TPPP2: variants seen among roughly 807,000 people sequenced by gnomAD.
TPPP2 encodes the protein tubulin polymerization-promoting protein family member 2.
TPPP2 carries 8 observed loss-of-function variants against 13.0 expected under a neutral mutation model. The ratio of observed to expected loss-of-function variants is 0.62; its 90% CI spans 0.36 to 1.11. The LOEUF (loss-of-function observed/expected upper bound fraction) is 1.11, where lower values mean the gene tolerates loss of function less well. TPPP2 is among the 50% of genes most tolerant of loss of function. The pLI, the probability that TPPP2 is intolerant of heterozygous loss-of-function variation, is 0.02. For synonymous variants in TPPP2, 81 were observed against 81.8 expected (o/e 0.99, Z 0.05); for missense variants, 213 against 216.9 (o/e 0.98, Z 0.11).
At chr14:21,028,241 TTTTTGTTTTG>T (rs71112541), upstream of TPPP2, among the ~76,000 whole-genome samples, 15 of 150,456 alleles carry the variant, frequency 1.0e-4, no homozygotes, top group South Asian at 4.2e-4. Flanking sequence ...CTTGGGGTTC[TTTTTGTTTTG>T]TTTTGTTTTG....
chr14:21,031,186 C>A (rs758500552), intron 3 of TPPP2, 21 bp downstream of exon 3: 25 of 1,609,900 alleles, frequency 1.6e-5, no homozygotes, highest in Non-Finnish European at 2.0e-5. Context: ...GCCTTCATCC[C>A]CTTGACCCTA....
chr14:21,034,269 C>T (rs372779444), downstream of TPPP2: 21 of 1,611,950 alleles, frequency 1.3e-5, no homozygotes, highest in African/African-American at 5.3e-5. Context: ...GAAAAGGAGC[C>T]GGGTCACAGC....
chr14:21,025,158 C>T lies in TPPP2; in HGVS notation n.236+814C>T, dbSNP rs1389960112. The T allele has an allele frequency of 1.1e-5, 10 of 943,142 alleles. No individual in the cohort carries two copies. The highest frequency in any genetic ancestry group is 1.3e-5 in the Non-Finnish European group (10 of 791,402). The allele number at this position is 943,142 out of a possible 1,614,324, so 58.4% of individuals were successfully genotyped here. ...GGGCGCTAGGCTCCCCGCAGACCCG[C>T]CCCAGACCCCCAGTAAACACGCCCC... On this transcript the variant is annotated intron_variant and non_coding_transcript_variant, in intron 1 of 1. Coordinates refer to the TPPP2 transcript ENST00000533755. This position sits in a 1 kb window ranked among gnomAD's most constrained non-coding sequence, Gnocchi z 5.1.
downstream of TPPP2, chr14:21,033,043 C>CTGG (rs1213473155): frequency 2.2e-6 from 1 of 451,400 alleles, no homozygotes; most frequent in East Asian, 7.0e-5. Context: ...GGAGGAGCTT[C>CTGG]TGGAAGAGAA....
downstream of TPPP2, among the ~76,000 whole-genome samples, chr14:21,035,595 G>C (rs982240773): frequency 6.6e-6 from 1 of 152,254 alleles, no homozygotes; most frequent in South Asian, 2.1e-4. Flanking sequence ...CAGCAGAAAA[G>C]GGGAGTCAGA....
At chr14:21,027,692 ACACT>A (rs1202147603), upstream of TPPP2, among the ~76,000 whole-genome samples, 1 of 152,234 alleles carries the variant, frequency 6.6e-6, no homozygotes, top group Non-Finnish European at 1.5e-5. Context: ...TACTCAGTTC[ACACT>A]CACTCTTTAT....
chr14:21,026,525 A>C (rs2139056945), upstream of TPPP2, among the ~76,000 whole-genome samples: 3 of 52,430 alleles, frequency 5.7e-5, no homozygotes, highest in Admixed American at 4.8e-4. Context: ...CACCCTCACC[A>C]CCCGCAATAC....
At chr14:21,033,245 G>A, downstream of TPPP2, 1 of 319,878 alleles carries the variant, frequency 3.1e-6, no homozygotes, top group Non-Finnish European at 6.0e-6. Context: ...TATGAAGGGA[G>A]AAACCATGAT....
At chr14:21,025,773 G>A (rs1228864765), upstream of TPPP2, 498 of 797,680 alleles carry the variant, frequency 6.2e-4, 4 homozygotes, top group Admixed American at 1.2e-3. The surrounding 1 kb of genome is among the most constrained non-coding windows in gnomAD (Gnocchi z 5.1). Flanking sequence ...AATGCGGGGG[G>A]CCGCTATAAA....
Position 21,030,873 on chromosome 14 carries a change from C to T in TPPP2, c.173+119C>T, listed in dbSNP as rs562372579. 2.4e-4 allele frequency: 364 copies of T among 1,499,340 alleles called. 1 individual carries two copies. Among genetic ancestry groups the T allele is most frequent in the Non-Finnish European group, 2.9e-4 (319 of 1,105,138 alleles). 92.9% of individuals were successfully genotyped at this position (1,499,340 alleles called of 1,614,324 possible). A position where few individuals can be genotyped will look rare whatever the true frequency, so the allele number is the denominator to read the frequency against. ...CTACCAAGCACCACAGGGTACCTGG[C>T]GCTGTGCTATCCTTTGTCTTCGAGA... On this transcript the variant is annotated intron_variant, in intron 2 of 3. Transcript: ENST00000321760.
chr14:21,024,401 A>T, intron 1 of TPPP2: 2 of 899,174 alleles, frequency 2.2e-6, no homozygotes, highest in Non-Finnish European at 2.7e-6. Context: ...TGCCACTCCC[A>T]GTGTGACCTT....
upstream of TPPP2, among the ~76,000 whole-genome samples, chr14:21,028,227 G>A (rs1391021085): frequency 1.3e-5 from 2 of 150,802 alleles, no homozygotes; most frequent in Non-Finnish European, 3.0e-5. Context: ...TAGGTTTTTT[G>A]TTTCTTGGGG....
chr14:21,032,193 C>A lies in TPPP2; in HGVS notation c.*116C>A. ...AGCCAAAATCTCTGTCTGTGAGGGA[C>A]AGATGAGCCTACTAGTGTAGAGAGA... On this transcript the variant is annotated 3_prime_UTR_variant, in exon 4 of 4. Coordinates refer to ENST00000321760, the MANE Select transcript of TPPP2 (RefSeq NM_173846.5). 2.8e-6 allele frequency: 3 copies of A among 1,074,938 alleles called. No homozygotes were observed. Among genetic ancestry groups the A allele is most frequent in the Non-Finnish European group, 4.2e-6 (3 of 709,738 alleles). The allele number at this position is 1,074,938 out of a possible 1,614,324, so 66.6% of individuals were successfully genotyped here. A position where few individuals can be genotyped will look rare whatever the true frequency, so the allele number is the denominator to read the frequency against.
upstream of TPPP2, among the ~76,000 whole-genome samples, chr14:21,026,381 G>A (rs1256217342): frequency 1.3e-5 from 2 of 149,620 alleles, no homozygotes; most frequent in East Asian, 4.0e-4. Context: ...CCATTTCGGG[G>A]GCTGGGCGCC....
chr14:21,034,604 C>CT, downstream of TPPP2: 1 of 296,222 alleles, frequency 3.4e-6, no homozygotes, highest in Admixed American at 4.6e-5. Context: ...CCTTGGGCCC[C>CT]TGGCACTCCT....
chr14:21,035,565 G>A (rs973182840), downstream of TPPP2, among the ~76,000 whole-genome samples: 2 of 152,182 alleles, frequency 1.3e-5, no homozygotes, highest in East Asian at 1.9e-4. Context: ...TCTTAGGAGA[G>A]CCTTTTTACC....
chr14:21,032,108 CT>C lies in TPPP2; in HGVS notation c.*32del, dbSNP rs765458821. 1.9e-5 allele frequency: 30 copies of C among 1,602,618 alleles called. No homozygotes were observed. The highest frequency in any genetic ancestry group is 2.3e-5 in the Non-Finnish European group (27 of 1,171,036). On this transcript the variant is annotated 3_prime_UTR_variant, in exon 4 of 4. Coordinates refer to ENST00000321760, the MANE Select transcript of TPPP2 (RefSeq NM_173846.5). ...AGCTTCATCTCAGCCTGCTAGCCCC[CT>C]GACCCTGCATGTTTAACACCAGGGA...
Position 21,031,912 on chromosome 14 carries a change from A to C in TPPP2, c.348A>C (p.Ala116=). ...TGCAGAAAGCAACAACAGTGGGTGC[A>C]GTGGACCGTTTGACAGACACCAGCA... ...TGATKATTVG[A]VDRLTDTSKY... is the part of the protein sequence containing the mutation. Residue 116 remains alanine, a synonymous_variant, in exon 4 of 4, where the codon GCA becomes GCC. Transcript: ENST00000321760. 1 of 1,614,168 alleles carries C rather than the reference A, an allele frequency of 6.2e-7. No homozygotes were observed. The highest frequency in any genetic ancestry group is 8.5e-7 in the Non-Finnish European group (1 of 1,180,014).
upstream of TPPP2, among the ~76,000 whole-genome samples, chr14:21,026,129 A>C (rs1194874389): frequency 6.6e-6 from 1 of 151,982 alleles, no homozygotes; most frequent in Non-Finnish European, 1.5e-5. Flanking sequence ...TTGCCACTGT[A>C]GACTTTACAC....
Sources: allele counts gnomAD v4.1 joint callset (sites outside exome capture counted in the v4.1 genomes callset), GRCh38; gene constraint gnomAD v4.1.1; non-coding constraint Gnocchi (gnomAD v3.1); transcripts MANE v1.5; gene names NCBI Gene and HGNC (gene_info 2026-07-23, HGNC 2026-07-21).